CHRM2: variants seen among roughly 807,000 people sequenced by gnomAD.
The protein encoded by CHRM2 is cholinergic receptor muscarinic 2.
In CHRM2, 8 loss-of-function variants were observed where a neutral mutation model predicts 25.0. The ratio of observed to expected loss-of-function variants is 0.32; its 90% confidence interval spans 0.19 to 0.58. The LOEUF (loss-of-function observed/expected upper bound fraction) is 0.58. Ranked by LOEUF, CHRM2 falls within the 20% of genes least tolerant of loss-of-function variation. CHRM2 has a pLI of 0.88. For missense variants in CHRM2, 440 were observed against 567.1 expected (o/e 0.78, Z 2.28); for synonymous variants, 202 against 205.7 (o/e 0.98, Z 0.15).
chr7:136,873,124 C>T (rs531184122), intron 2 of CHRM2, among the ~76,000 whole-genome samples: 12 of 152,182 alleles, frequency 7.9e-5, no homozygotes, highest in South Asian at 4.1e-4. Flanking sequence ...TCCTATGTAT[C>T]GAAAGCCACC....
chr7:136,985,195 G>A (rs557597831), intron 2 of CHRM2, among the ~76,000 whole-genome samples: 2 of 152,222 alleles, frequency 1.3e-5, no homozygotes, highest in Admixed American at 1.3e-4. Context: ...TTTTTGACCA[G>A]CTACTAGGAT....
At chr7:136,967,175 A>G (rs1048152940) in intron 2 of CHRM2, among the ~76,000 whole-genome samples, 4 of 152,012 alleles carry the variant, frequency 2.6e-5, no homozygotes, top group Admixed American at 6.6e-5. Context: ...TCCTGCATGG[A>G]TAGCACTGTG....
In CHRM2 at chr7:137,018,186, G is replaced by A. The variant is rs1805273367; in HGVS notation, c.*1920G>A. 1 of 149,964 alleles carries A rather than the reference G, an allele frequency of 6.7e-6. No individual in the cohort carries two copies. The highest frequency in any genetic ancestry group is 6.7e-5 in the Admixed American group (1 of 15,026). 9.3% of individuals were successfully genotyped at this position (149,964 alleles called of 1,614,324 possible). ...CTCAACATTTTGGAGAGTTAAGGAG[G>A]AAAAAAAGCATGAGGGAAAAAAAAA... On this transcript the variant is annotated 3_prime_UTR_variant, in exon 4 of 4. Coordinates refer to ENST00000680005, the MANE Select transcript of CHRM2 (RefSeq NM_001006630.2).
chr7:137,016,126 G>C lies in CHRM2; in HGVS notation c.1261G>C (p.Val421Leu). Residue 421 changes from valine to leucine, a missense_variant, in exon 4 of 4, where the codon GTG (valine) becomes CTG (leucine). Val to Leu is a conservative substitution (Grantham distance 32, BLOSUM62 1). Around this residue, in one of 5 missense-constraint regions of CHRM2, gnomAD observed 65 missense variants for 108.9 expected, o/e 0.60. Coordinates refer to ENST00000680005, the MANE Select transcript of CHRM2 (RefSeq NM_001006630.2). ...TTGTGCACCTTGCATCCCCAACACTGTGTGGACAATTGGTTACTGGCTTTG... is the reference window on the plus strand; with the variant it reads ...TTGTGCACCTTGCATCCCCAACACTCTGTGGACAATTGGTTACTGGCTTTG... ...TFCAPCIPNT[V>L]WTIGYWLCYI... 5 of 1,612,818 alleles carry C rather than the reference G, an allele frequency of 3.1e-6. No individual in the cohort carries two copies. Among genetic ancestry groups the C allele is most frequent in the Non-Finnish European group, 3.4e-6 (4 of 1,179,212 alleles).
rs1805312972 is a variant in CHRM2, at chr7:137,019,038, T to G, written c.*2772T>G. On this transcript the variant is annotated 3_prime_UTR_variant, in exon 4 of 4. Coordinates refer to ENST00000680005, the MANE Select transcript of CHRM2 (RefSeq NM_001006630.2). ...CATAGAGGCTGGGAATGCTGCTAAA[T>G]AGCCTATAATGCTCAGGACATTTTC... 5 of 151,936 alleles carry G rather than the reference T, an allele frequency of 3.3e-5. No individual in the cohort carries two copies. The South Asian group carries it at 1.0e-3, about 31-fold the overall frequency. The allele number at this position is 151,936 out of a possible 1,614,324, so 9.4% of individuals were successfully genotyped here.
intron 2 of CHRM2, among the ~76,000 whole-genome samples, chr7:136,951,413 G>A (rs1002311180): frequency 7.2e-5 from 11 of 152,142 alleles, no homozygotes; most frequent in African/African-American, 1.2e-4. Context: ...GACACTTGGC[G>A]AAGAAAATAA....
At chr7:136,901,682 A>G (rs1675536982) in intron 2 of CHRM2, among the ~76,000 whole-genome samples, 1 of 152,026 alleles carries the variant, frequency 6.6e-6, no homozygotes, top group South Asian at 2.1e-4. Flanking sequence ...TGTTGTAAGA[A>G]CCTAGCCTCT....
chr7:137,003,478 A>T (rs1471371017), intron 3 of CHRM2, among the ~76,000 whole-genome samples: 1 of 78 alleles, frequency 0.013, no homozygotes. Flanking sequence ...ATGCATACAC[A>T]CACACACACA....
In CHRM2 at chr7:137,016,914, G is replaced by A. The variant is rs895121476; in HGVS notation, c.*648G>A. 1.2e-5 allele frequency: 2 copies of A among 166,806 alleles called. No individual in the cohort carries two copies. Among genetic ancestry groups the A allele is most frequent in the African/African-American group, 2.4e-5 (1 of 41,366 alleles). 10.3% of individuals were successfully genotyped at this position (166,806 alleles called of 1,614,324 possible). On this transcript the variant is annotated 3_prime_UTR_variant, in exon 4 of 4. Coordinates refer to ENST00000680005, the MANE Select transcript of CHRM2 (RefSeq NM_001006630.2). The stretch of plus-strand genomic sequence containing the variant: ...ACTAGGTCACACCATTTTTCTTCTT[G>A]TTATGCCACTATTTTGTACATCCCT...
In CHRM2 at chr7:136,888,064, T is replaced by A. The variant is rs1034695047; in HGVS notation, c.-125+18646T>A. On this transcript the variant is annotated intron_variant, in intron 2 of 3. Transcript: ENST00000680005. ...CTGAGGGGAGCTCTCTGGGATTTCC[T>A]GACAGACTCCACTTTCCTCAGGGCT... is the stretch of plus-strand genomic sequence containing the variant. Among the ~76,000 whole-genome samples, 5 of 152,340 alleles carry A rather than the reference T, an allele frequency of 3.3e-5. No individual in the cohort carries two copies. The South Asian group carries it at 1.0e-3, about 32-fold the overall frequency.
chr7:136,944,572 T>C (rs950997012), intron 2 of CHRM2, among the ~76,000 whole-genome samples: 3 of 151,990 alleles, frequency 2.0e-5, no homozygotes, highest in African/African-American at 4.8e-5. Context: ...CACTGGTTGA[T>C]TGATGAGCAT....
At chr7:136,891,032 A>T (rs891615563) in intron 2 of CHRM2, among the ~76,000 whole-genome samples, 11 of 152,184 alleles carry the variant, frequency 7.2e-5, no homozygotes, top group African/African-American at 2.4e-4. Flanking sequence ...TGTCTTTCAA[A>T]ATACACTTTT....
At chr7:136,924,552 C>A (rs576208705) in intron 2 of CHRM2, among the ~76,000 whole-genome samples, 2 of 152,042 alleles carry the variant, frequency 1.3e-5, no homozygotes, top group Non-Finnish European at 2.9e-5. Context: ...CTATTAAATA[C>A]CACCCCGCTG....
intron 2 of CHRM2, among the ~76,000 whole-genome samples, chr7:136,955,123 C>G (rs563362786): frequency 5.5e-4 from 84 of 152,198 alleles, no homozygotes; most frequent in African/African-American, 2.0e-3. Context: ...TTTAAAAGTT[C>G]GTGTTTTCTT....
intron 2 of CHRM2, among the ~76,000 whole-genome samples, chr7:136,875,370 T>G (rs1174714532): frequency 6.6e-6 from 1 of 152,098 alleles, no homozygotes. Flanking sequence ...AAACTAGAAG[T>G]GAGGTTGATA....
At chr7:137,003,978 C>G (rs1301329674) in intron 3 of CHRM2, among the ~76,000 whole-genome samples, 2 of 152,106 alleles carry the variant, frequency 1.3e-5, no homozygotes, top group African/African-American at 4.8e-5. Flanking sequence ...TGTAAGTTTC[C>G]TAAGGTCCTT....
chr7:136,977,444 C>G (rs1364544575), intron 2 of CHRM2, among the ~76,000 whole-genome samples: 3 of 151,714 alleles, frequency 2.0e-5, no homozygotes, highest in Non-Finnish European at 4.4e-5. Flanking sequence ...TTACGATAGA[C>G]AGTGGGTTTA....
intron 2 of CHRM2, chr7:136,871,368 AC>A: frequency 6.6e-6 from 1 of 152,540 alleles, no homozygotes. Flanking sequence ...CCAGGAGCCC[AC>A]CCGCGGGCGG....
chr7:136,952,389 G>T (rs1158586), intron 2 of CHRM2, among the ~76,000 whole-genome samples: 1 of 151,816 alleles, frequency 6.6e-6, no homozygotes, highest in Non-Finnish European at 1.5e-5. Flanking sequence ...TATTTAAAGC[G>T]TATCGAAGAT....
Sources: allele counts gnomAD v4.1 joint callset (sites outside exome capture counted in the v4.1 genomes callset), GRCh38; gene constraint gnomAD v4.1.1; regional missense constraint gnomAD v4.1.1; transcripts MANE v1.5; gene names NCBI Gene and HGNC (gene_info 2026-07-23, HGNC 2026-07-21).